The following SLC4A10 variants were observed in gnomAD, a reference collection of about 807,000 sequenced individuals.
The protein encoded by SLC4A10 is sodium-driven chloride bicarbonate exchanger.
A neutral mutation model predicts 137.7 loss-of-function variants in SLC4A10; 42 were observed. The ratio of observed to expected loss-of-function variants is 0.30; its 90% CI spans 0.24 to 0.39. SLC4A10 has a LOEUF of 0.39. Ranked by LOEUF, SLC4A10 falls within the 10% of genes least tolerant of loss-of-function variation. SLC4A10 has a pLI of 1.00. For synonymous variants in SLC4A10, 474 were observed against 464.1 expected, an observed-to-expected ratio of 1.02 and a Z score of -0.27; for missense variants, 925 against 1,355.0, an observed-to-expected ratio of 0.68 and a Z score of 4.98.
At chr2:161,878,627 T>C (rs1270904234) in intron 8 of SLC4A10, among the ~76,000 whole-genome samples, 1 of 152,096 alleles carries the variant, frequency 6.6e-6, no homozygotes, top group Non-Finnish European at 1.5e-5. Context: ...GTATATAATG[T>C]GAAGAATATA....
At chr2:161,892,474 C>T (rs1216004470) in intron 10 of SLC4A10, among the ~76,000 whole-genome samples, 2 of 152,042 alleles carry the variant, frequency 1.3e-5, no homozygotes, top group African/African-American at 2.4e-5. Context: ...TTAACATTTT[C>T]GTATTATCCT....
chr2:161,644,043 C>G (rs1029601671), intron 1 of SLC4A10, among the ~76,000 whole-genome samples: 26 of 149,330 alleles, frequency 1.7e-4, no homozygotes, highest in Admixed American at 1.7e-3. Context: ...TATACAAAGT[C>G]ACTTCTTTCC....
intron 3 of SLC4A10, among the ~76,000 whole-genome samples, chr2:161,806,992 A>G (rs541904724): frequency 4.6e-5 from 7 of 152,316 alleles, no homozygotes; most frequent in South Asian, 2.1e-4. Flanking sequence ...ACAGTTCCAC[A>G]TGACTGGGGA....
At chr2:161,799,353 T>A (rs2055135261) in intron 2 of SLC4A10, among the ~76,000 whole-genome samples, 1 of 151,890 alleles carries the variant, frequency 6.6e-6, no homozygotes, top group Admixed American at 6.6e-5. Context: ...CCTTCTCAAC[T>A]GATAGCTATC....
chr2:161,819,797 A>G (rs1224160713), intron 3 of SLC4A10, among the ~76,000 whole-genome samples: 3 of 152,102 alleles, frequency 2.0e-5, no homozygotes, highest in Non-Finnish European at 4.4e-5. Flanking sequence ...TCCAGCCCAC[A>G]TTTGTTATTT....
At chr2:161,892,288 G>C (rs1322668346) in intron 10 of SLC4A10, among the ~76,000 whole-genome samples, 4 of 152,026 alleles carry the variant, frequency 2.6e-5, no homozygotes, top group Admixed American at 2.6e-4. Flanking sequence ...AACAGGAAAA[G>C]AGTAGGGTTG....
chr2:161,844,603 T>C (rs2125812416), intron 4 of SLC4A10, among the ~76,000 whole-genome samples: 2 of 152,202 alleles, frequency 1.3e-5, no homozygotes, highest in East Asian at 3.9e-4. Context: ...TTGGGTAGAA[T>C]GAGAGGATTA....
At chr2:161,686,118 T>A (rs1473496795) in intron 1 of SLC4A10, among the ~76,000 whole-genome samples, 1 of 151,990 alleles carries the variant, frequency 6.6e-6, no homozygotes, top group African/African-American at 2.4e-5. Context: ...ATAGAACAAA[T>A]AAAAACCAAA....
At chr2:161,903,349 A>G (rs1281706003) in intron 12 of SLC4A10, among the ~76,000 whole-genome samples, 2 of 152,296 alleles carry the variant, frequency 1.3e-5, no homozygotes, top group East Asian at 1.9e-4. Flanking sequence ...TTATTATTAT[A>G]AGGACTCCCT....
chr2:161,949,478 T>G (rs147512011), intron 18 of SLC4A10, among the ~76,000 whole-genome samples: 1 of 152,036 alleles, frequency 6.6e-6, no homozygotes, highest in East Asian at 1.9e-4. Context: ...AAAACTTGCT[T>G]GAAAAAAATT....
At chr2:161,785,326 CT>C (rs894481299) in intron 2 of SLC4A10, among the ~76,000 whole-genome samples, 6 of 151,438 alleles carry the variant, frequency 4.0e-5, no homozygotes, top group South Asian at 2.1e-4. Context: ...TTATGTCAAA[CT>C]TTTTTTTATC....
At chr2:161,844,707 T>G (rs1415110282) in intron 4 of SLC4A10, among the ~76,000 whole-genome samples, 1 of 152,036 alleles carries the variant, frequency 6.6e-6, no homozygotes, top group Admixed American at 6.6e-5. Flanking sequence ...AGCACCTAAT[T>G]GGCAGAATAA....
At chr2:161,733,131 G>T (rs1213692700) in intron 1 of SLC4A10, among the ~76,000 whole-genome samples, 1 of 152,198 alleles carries the variant, frequency 6.6e-6, no homozygotes, top group Non-Finnish European at 1.5e-5. Context: ...GCATAAATTT[G>T]CATAAGTAAT....
chr2:161,845,160 C>T (rs1388583296), intron 4 of SLC4A10, among the ~76,000 whole-genome samples: 2 of 151,950 alleles, frequency 1.3e-5, no homozygotes, highest in African/African-American at 4.8e-5. Context: ...CTGGTGTGCT[C>T]CCAGATCTGT....
At chr2:161,823,349 G>A (rs1373585295) in intron 3 of SLC4A10, among the ~76,000 whole-genome samples, 2 of 152,210 alleles carry the variant, frequency 1.3e-5, no homozygotes, top group Non-Finnish European at 2.9e-5. Flanking sequence ...TTGCTATTGT[G>A]TGAGTGCAAG....
chr2:161,751,138 T>C (rs1449781941), intron 1 of SLC4A10, among the ~76,000 whole-genome samples: 1 of 151,814 alleles, frequency 6.6e-6, no homozygotes, highest in Non-Finnish European at 1.5e-5. Context: ...GTAGACAGCA[T>C]GCGGTTGGAT....
rs545579118 is a variant in SLC4A10, at chr2:161,708,896, C to T, written c.49-62077C>T. 9.5e-5 allele frequency: 137 copies of T among 1,446,752 alleles called. No individual in the cohort carries two copies. The African/African-American group carries it at 1.7e-3, about 18-fold the overall frequency. 89.6% of individuals were successfully genotyped at this position (1,446,752 alleles called of 1,614,324 possible). A position where few individuals can be genotyped will look rare whatever the true frequency, so the allele number is the denominator to read the frequency against. On this transcript the variant is annotated intron_variant, in intron 1 of 26. Transcript: ENST00000446997. ...GTGCTTGCTTTTTCTAGTTCTTACT[C>T]ATTGAAAATATATTCATTAATGTAA...
At chr2:161,858,670 A>C (rs1315553884) in intron 5 of SLC4A10, among the ~76,000 whole-genome samples, 1 of 152,148 alleles carries the variant, frequency 6.6e-6, no homozygotes, top group Admixed American at 6.6e-5. Context: ...ATCTCTTTGA[A>C]ATTAAGCATT....
intron 1 of SLC4A10, chr2:161,710,483 A>G (rs1042327116): frequency 2.1e-5 from 5 of 234,314 alleles, no homozygotes; most frequent in African/African-American, 6.8e-5. Flanking sequence ...AAAAATTACT[A>G]TTTTAGAATT....
Sources: allele counts gnomAD v4.1 joint callset (sites outside exome capture counted in the v4.1 genomes callset), GRCh38; gene constraint gnomAD v4.1.1; transcripts MANE v1.5; gene names NCBI Gene and HGNC (gene_info 2026-07-23, HGNC 2026-07-21).